BLOC1S3: variants seen among roughly 807,000 people sequenced by gnomAD.
BLOC1S3 encodes biogenesis of lysosome-related organelles complex 1 subunit 3.
A neutral mutation model predicts 9.1 loss-of-function variants in BLOC1S3; 7 were observed. The ratio of observed to expected loss-of-function variants is 0.77; its 90% CI spans 0.44 to 1.45. The LOEUF (loss-of-function observed/expected upper bound fraction) is 1.45, where lower values mean the gene tolerates loss of function less well. BLOC1S3 is among the 40% of genes most tolerant of loss of function. BLOC1S3 has a pLI of 0.01. For synonymous variants in BLOC1S3, 145 were observed against 158.4 expected (o/e 0.92, Z 0.64); for missense variants, 307 against 315.2 (o/e 0.97, Z 0.20).
intron 2 of BLOC1S3, among the ~76,000 whole-genome samples, chr19:45,190,738 C>T (rs778986429): frequency 6.9e-5 from 10 of 145,388 alleles, no homozygotes; most frequent in Non-Finnish European, 1.2e-4. Context: ...TGAAAGGTCA[C>T]GTATCTCTGT....
intron 3 of BLOC1S3, among the ~76,000 whole-genome samples, chr19:45,210,666 C>T (rs1969762510): frequency 6.6e-6 from 1 of 151,794 alleles, no homozygotes. Flanking sequence ...CGCAGAGGCA[C>T]AATCACAGCC....
intron 3 of BLOC1S3, among the ~76,000 whole-genome samples, chr19:45,203,836 C>A (rs913173425): frequency 6.6e-6 from 1 of 152,102 alleles, no homozygotes; most frequent in Non-Finnish European, 1.5e-5. Context: ...CTGACTGCTG[C>A]CAGGAGATGT....
intron 3 of BLOC1S3, chr19:45,215,993 G>A: frequency 2.5e-6 from 4 of 1,569,280 alleles, no homozygotes; most frequent in South Asian, 1.2e-5. Context: ...CAGGAGGCAG[G>A]AAGCACAGGG....
intron 3 of BLOC1S3, among the ~76,000 whole-genome samples, chr19:45,206,131 T>C (rs894707816): frequency 2.0e-5 from 3 of 152,044 alleles, no homozygotes; most frequent in Admixed American, 6.6e-5. Flanking sequence ...GTGGATCACC[T>C]GAGGTCGGCA....
intron 2 of BLOC1S3, among the ~76,000 whole-genome samples, chr19:45,194,379 C>T (rs1969631955): frequency 6.6e-6 from 1 of 152,046 alleles, no homozygotes; most frequent in Admixed American, 6.6e-5. Flanking sequence ...TCCCAAAGTG[C>T]TGGGATTACA....
intron 2 of BLOC1S3, among the ~76,000 whole-genome samples, chr19:45,189,063 G>A (rs1382169565): frequency 6.6e-6 from 1 of 152,086 alleles, no homozygotes; most frequent in African/African-American, 2.4e-5. Context: ...TCCCGCCTTG[G>A]GCTCCCAAAG....
chr19:45,189,981 T>A (rs143026049), intron 2 of BLOC1S3, among the ~76,000 whole-genome samples: 1 of 152,194 alleles, frequency 6.6e-6, no homozygotes, highest in African/African-American at 2.4e-5. Flanking sequence ...TATTTTCAAA[T>A]AGCCTTTCTT....
chr19:45,179,397 C>CGGA lies in BLOC1S3; in HGVS notation c.112_114dup (p.Glu38dup), dbSNP rs749897521. On this transcript the variant is annotated inframe_insertion, in exon 2 of 2. Transcript: ENST00000433642. This position sits in a 1 kb window ranked among gnomAD's most constrained non-coding sequence, Gnocchi z 4.6. ...GATTCCGAGCGCTCTGCGTCCTCGTCGGAGGAGGAGGAGCTGTACCTGGGT... is the reference window on the plus strand; with the variant it reads ...GATTCCGAGCGCTCTGCGTCCTCGTCGGAGGAGGAGGAGGAGCTGTACCTGGGT... The CGGA allele has an allele frequency of 8.3e-6, 13 of 1,575,194 alleles. No individual in the cohort carries two copies. The highest frequency in any genetic ancestry group is 1.1e-5 in the Non-Finnish European group (13 of 1,168,566).
At chr19:45,184,452 A>G (rs1461543550), downstream of BLOC1S3, among the ~76,000 whole-genome samples, 1 of 152,092 alleles carries the variant, frequency 6.6e-6, no homozygotes, top group Non-Finnish European at 1.5e-5. Flanking sequence ...CAAAAAATAC[A>G]AAAACTAGCT....
chr19:45,190,825 A>ATTTTATTTTATTTTTT (rs1271466326), intron 2 of BLOC1S3, among the ~76,000 whole-genome samples: 1 of 28,570 alleles, frequency 3.5e-5, no homozygotes, highest in African/African-American at 1.4e-4. Flanking sequence ...TTATTTTTTG[A>ATTTTATTTTATTTTTT]GAGAGAGTCT....
chr19:45,183,559 C>T (rs114007955), downstream of BLOC1S3, among the ~76,000 whole-genome samples: 1,819 of 150,972 alleles, frequency 0.012, 38 homozygotes, highest in African/African-American at 0.041. Context: ...ACACCTAGGG[C>T]GAGTGGATCA....
intron 2 of BLOC1S3, among the ~76,000 whole-genome samples, chr19:45,192,515 C>T (rs1969613838): frequency 6.6e-6 from 1 of 152,174 alleles, no homozygotes; most frequent in South Asian, 2.1e-4. Context: ...GTCACCACGT[C>T]AGGGAATATG....
At chr19:45,208,650 G>A (rs1969745516) in intron 3 of BLOC1S3, among the ~76,000 whole-genome samples, 1 of 152,024 alleles carries the variant, frequency 6.6e-6, no homozygotes, top group Admixed American at 6.6e-5. Flanking sequence ...AGCTACTTGG[G>A]AGGCTGAGGC....
intron 3 of BLOC1S3, among the ~76,000 whole-genome samples, chr19:45,209,789 G>T (rs910043136): frequency 4.0e-5 from 6 of 151,624 alleles, no homozygotes; most frequent in Non-Finnish European, 7.4e-5. Context: ...CACCATCTTG[G>T]CTCACCATCT....
intron 3 of BLOC1S3, among the ~76,000 whole-genome samples, chr19:45,212,135 T>C (rs940797864): frequency 6.6e-6 from 1 of 152,184 alleles, no homozygotes; most frequent in African/African-American, 2.4e-5. Context: ...CACTTTGAGA[T>C]TGACCAGACG....
upstream of BLOC1S3, chr19:45,187,318 CCT>C (rs1969572797): frequency 6.6e-6 from 1 of 152,364 alleles, no homozygotes; most frequent in Admixed American, 6.6e-5. Context: ...CTCCCCAACA[CCT>C]CTCTTTCCAG....
intron 3 of BLOC1S3, among the ~76,000 whole-genome samples, chr19:45,204,343 C>T (rs1404963771): frequency 1.3e-5 from 2 of 152,038 alleles, no homozygotes; most frequent in South Asian, 2.1e-4. Flanking sequence ...GCACCCACCA[C>T]CATGCCCCAG....
chr19:45,179,368 G>C lies in BLOC1S3; in HGVS notation c.72G>C (p.Glu24Asp). ...CGGTGGTGCCGGGGGAGGCGACCGA[G>C]ACGGATTCCGAGCGCTCTGCGTCCT... Reference protein sequence around the residue: ...PETVVPGEATETDSERSASSS... With the variant: ...PETVVPGEATDTDSERSASSS... The change falls in exon 2 of 2, where the codon GAG becomes GAC. Residue 24 changes from glutamate to aspartate, a missense_variant. Transcript: ENST00000433642. The surrounding 1 kb of genome is among the most constrained non-coding windows in gnomAD (Gnocchi z 4.6). The C allele has an allele frequency of 6.3e-7, 1 of 1,585,370 alleles. No homozygotes were observed. Among genetic ancestry groups the C allele is most frequent in the African/African-American group, 1.4e-5 (1 of 73,394 alleles).
rs759978081 is a variant in BLOC1S3, at chr19:45,179,394, C to T, written c.98C>T (p.Ser33Leu). 1.9e-6 allele frequency: 3 copies of T among 1,576,874 alleles called. No homozygotes were observed. The highest frequency in any genetic ancestry group is 3.3e-4 in the Middle Eastern group (2 of 5,984). The change falls in exon 2 of 2, where the codon TCG (serine) becomes TTG (leucine). Residue 33 changes from serine to leucine, a missense_variant. Coordinates refer to ENST00000433642, the MANE Select transcript of BLOC1S3 (RefSeq NM_212550.5). This position sits in a 1 kb window ranked among gnomAD's most constrained non-coding sequence, Gnocchi z 4.6. ...TETDSERSAS[S>L]SEEEELYLGP... is the part of the protein sequence containing the mutation. ...ACGGATTCCGAGCGCTCTGCGTCCTCGTCGGAGGAGGAGGAGCTGTACCTG... is the reference window on the plus strand; with the variant it reads ...ACGGATTCCGAGCGCTCTGCGTCCTTGTCGGAGGAGGAGGAGCTGTACCTG...
Sources: allele counts gnomAD v4.1 joint callset (sites outside exome capture counted in the v4.1 genomes callset), GRCh38; gene constraint gnomAD v4.1.1; non-coding constraint Gnocchi (gnomAD v3.1); transcripts MANE v1.5; gene names NCBI Gene and HGNC (gene_info 2026-07-23, HGNC 2026-07-21).